Variants in HMGN5 observed in about 807,000 individuals in gnomAD.
The protein encoded by HMGN5 is high mobility group nucleosome binding domain 5, also known as high mobility group nucleosome-binding domain-containing protein 5.
A neutral mutation model predicts 9.5 loss-of-function variants in HMGN5; 4 were observed. The observed-to-expected ratio is 0.42, with a 90% CI of 0.21 to 0.96. The LOEUF is 0.96. HMGN5 is among the 40% of genes least tolerant of loss of function. HMGN5 has a pLI of 0.30. For missense variants in HMGN5, 192 were observed against 187.5 expected, an observed-to-expected ratio of 1.02 and a Z score of -0.14; for synonymous variants, 55 against 57.1, an observed-to-expected ratio of 0.96 and a Z score of 0.16.
intron 1 of HMGN5, among the ~76,000 whole-genome samples, chrX:81,196,342 T>G (rs1458060626): frequency 1.8e-5 from 2 of 109,442 alleles, no homozygotes; most frequent in African/African-American, 6.7e-5. Context: ...ACTCCAGACA[T>G]TCTTACTTTG....
At position 81,114,574 on chromosome X, in the gene HMGN5, T is replaced by A. The variant is rs1822326668; in HGVS notation, c.*75A>T. On this transcript the variant is annotated 3_prime_UTR_variant, in exon 7 of 7. Transcript: ENST00000358130. Reference sequence around the variant, plus strand: ...AAGGCTGTGTTTATAAAATTTTTGATAAAAATATTTATCTCTATTAACTTT... The same window carrying A: ...AAGGCTGTGTTTATAAAATTTTTGAAAAAAATATTTATCTCTATTAACTTT... The A allele has an allele frequency of 7.5e-6, 7 of 933,443 alleles. No individual in the cohort carries two copies. Among genetic ancestry groups the A allele is most frequent in the Non-Finnish European group, 9.6e-6 (7 of 727,331 alleles). The allele number at this position is 933,443 out of a possible 1,213,427, so 76.9% of individuals were successfully genotyped here.
chrX:81,179,803 T>C (rs144189392), intron 1 of HMGN5, among the ~76,000 whole-genome samples: 6 of 111,607 alleles, frequency 5.4e-5, no homozygotes, highest in African/African-American at 1.3e-4. Context: ...CTTCAAACTA[T>C]ACTACAAGGC....
chrX:81,170,724 T>G (rs963257617), intron 1 of HMGN5, among the ~76,000 whole-genome samples: 3 of 111,118 alleles, frequency 2.7e-5, no homozygotes, highest in South Asian at 3.8e-4. Context: ...CGCTAACATA[T>G]CTCAAATTCC....
rs2147531088 is a variant in HMGN5, at chrX:81,114,016, AT to A, written c.*632del. On this transcript the variant is annotated 3_prime_UTR_variant, in exon 7 of 7. Transcript: ENST00000358130. ...TTCATGAATAACACAATAGAAAAAA[AT>A]TAAGCACAATATTTCACTAGCTATA... 1 of 112,226 alleles carries A rather than the reference AT, an allele frequency of 8.9e-6. No homozygotes were observed. The highest frequency in any genetic ancestry group is 3.6e-4 in the South Asian group (1 of 2,743). 9.2% of individuals were successfully genotyped at this position (112,226 alleles called of 1,213,427 possible).
intron 1 of HMGN5, among the ~76,000 whole-genome samples, chrX:81,143,006 T>C (rs1450884155): frequency 1.8e-5 from 2 of 112,117 alleles, no homozygotes; most frequent in African/African-American, 6.5e-5. Flanking sequence ...GTAAAGTTTT[T>C]ATTAGTTTTT....
At chrX:81,178,262 A>T (rs911739431) in intron 1 of HMGN5, among the ~76,000 whole-genome samples, 2 of 111,712 alleles carry the variant, frequency 1.8e-5, no homozygotes, top group African/African-American at 3.3e-5. Flanking sequence ...TTAAAAAATC[A>T]ATGAATCCAT....
At chrX:81,129,872 C>A (rs1841283480) in intron 1 of HMGN5, among the ~76,000 whole-genome samples, 1 of 111,133 alleles carries the variant, frequency 9.0e-6, no homozygotes, top group African/African-American at 3.3e-5. Context: ...GAAATCTGGT[C>A]TCCTACTTAA....
intron 1 of HMGN5, among the ~76,000 whole-genome samples, chrX:81,127,818 T>A (rs1249816763): frequency 2.7e-5 from 3 of 111,350 alleles, no homozygotes; most frequent in African/African-American, 9.8e-5. Flanking sequence ...TCAAGTAGAT[T>A]TTCTTGTATG....
intron 1 of HMGN5, among the ~76,000 whole-genome samples, chrX:81,126,238 G>A (rs1173627447): frequency 1.8e-5 from 2 of 108,356 alleles, no homozygotes; most frequent in Non-Finnish European, 3.8e-5. Context: ...CAATTACACA[G>A]TTTATACAGA....
intron 1 of HMGN5, among the ~76,000 whole-genome samples, chrX:81,154,775 C>T (rs1233626200): frequency 9.0e-6 from 1 of 110,638 alleles, no homozygotes; most frequent in Non-Finnish European, 1.9e-5. Flanking sequence ...AGGTGCTCAA[C>T]ATCATTGATT....
chrX:81,175,428 T>A (rs973898769), intron 1 of HMGN5, among the ~76,000 whole-genome samples: 1 of 111,434 alleles, frequency 9.0e-6, no homozygotes, highest in Admixed American at 9.6e-5. Flanking sequence ...TGGTTAACTA[T>A]AGTTTTAAGT....
chrX:81,199,730 A>G (rs2075519759), intron 1 of HMGN5, among the ~76,000 whole-genome samples: 1 of 112,377 alleles, frequency 8.9e-6, no homozygotes, highest in Non-Finnish European at 1.9e-5. Flanking sequence ...AATTGACTCA[A>G]GATGGATTAA....
intron 1 of HMGN5, among the ~76,000 whole-genome samples, chrX:81,201,250 C>A (rs1284350017): frequency 1.8e-5 from 2 of 109,167 alleles, no homozygotes; most frequent in Non-Finnish European, 3.8e-5. Context: ...AATCTGGGAA[C>A]CTAAAACTAC....
chrX:81,182,921 G>T (rs1307478873), intron 1 of HMGN5, among the ~76,000 whole-genome samples: 2 of 111,732 alleles, frequency 1.8e-5, no homozygotes, highest in Non-Finnish European at 3.8e-5. Context: ...CTCAGAAGAA[G>T]ACAGGAAGAT....
At chrX:81,134,933 T>C (rs1179870077) in intron 1 of HMGN5, among the ~76,000 whole-genome samples, 2 of 111,180 alleles carry the variant, frequency 1.8e-5, no homozygotes, top group African/African-American at 3.3e-5. Context: ...ACAAATGAAA[T>C]TGAGTGAACT....
chrX:81,186,392 C>T (rs779924305), intron 1 of HMGN5, among the ~76,000 whole-genome samples: 1 of 112,025 alleles, frequency 8.9e-6, no homozygotes, highest in South Asian at 3.7e-4. Flanking sequence ...TTCCAATTGG[C>T]ATATGGTTGC....
intron 1 of HMGN5, among the ~76,000 whole-genome samples, chrX:81,175,343 T>TTTTG (rs2075438513): frequency 9.4e-6 from 1 of 106,486 alleles, no homozygotes; most frequent in East Asian, 3.0e-4. Flanking sequence ...ACAATTCTAT[T>TTTTG]TGTGTGTGTG....
At chrX:81,120,462 G>C (rs977614746) in intron 2 of HMGN5, among the ~76,000 whole-genome samples, 1 of 111,151 alleles carries the variant, frequency 9.0e-6, no homozygotes, top group African/African-American at 3.3e-5. Flanking sequence ...TCTCAGGAAG[G>C]GGGGATGGTG....
chrX:81,169,741 G>A (rs2075420332), intron 1 of HMGN5, among the ~76,000 whole-genome samples: 1 of 111,348 alleles, frequency 9.0e-6, no homozygotes, highest in Non-Finnish European at 1.9e-5. Flanking sequence ...GGCAAGGAGA[G>A]TGGACATCAG....
Sources: allele counts gnomAD v4.1 joint callset (sites outside exome capture counted in the v4.1 genomes callset), GRCh38; gene constraint gnomAD v4.1.1; transcripts MANE v1.5; gene names NCBI Gene and HGNC (gene_info 2026-07-23, HGNC 2026-07-21).